DENND4C: variants seen among roughly 807,000 people sequenced by gnomAD.
DENND4C encodes DENN domain-containing protein 4C.
Under a neutral mutation model 203.0 loss-of-function variants are expected in DENND4C, and 108 were observed. The observed-to-expected ratio is 0.53, with a 90% CI of 0.46 to 0.62. The LOEUF is 0.62. DENND4C is among the 20% of genes least tolerant of loss of function. The pLI is 0.00. For missense variants in DENND4C, 2,481 were observed against 2,301.2 expected, an observed-to-expected ratio of 1.08 and a Z score of -1.60; for synonymous variants, 871 against 792.4, an observed-to-expected ratio of 1.10 and a Z score of -1.67.
intron 1 of DENND4C, among the ~76,000 whole-genome samples, chr9:19,245,714 G>T (rs1825048877): frequency 6.6e-6 from 1 of 152,108 alleles, no homozygotes; most frequent in Non-Finnish European, 1.5e-5. Context: ...AAACTAGCCA[G>T]GCGTGGTGGC....
At position 19,356,810 on chromosome 9, in the gene DENND4C, A is replaced by AGAGAGAGAGAGAGAGT. The variant is rs1447525810; in HGVS notation, c.4782-155_4782-154insAGAGAGAGTGAGAGAG. ...GTGTGAGAGAGAGAGAGAGAGAGAG[A>AGAGAGAGAGAGAGAGT]GAGAGAGTGAGAGTGTATTGGAAAT... On this transcript the variant is annotated intron_variant, in intron 26 of 32. Coordinates refer to ENST00000434457, the MANE Select transcript of DENND4C (RefSeq NM_001330640.2). Among the ~76,000 whole-genome samples the AGAGAGAGAGAGAGAGT allele has an allele frequency of 9.4e-3, 1,378 of 146,180 alleles. 6 individuals carry two copies. The highest frequency in any genetic ancestry group is 0.021 in the African/African-American group (814 of 37,982).
At chr9:19,275,451 G>A (rs756243034) in intron 1 of DENND4C, among the ~76,000 whole-genome samples, 14 of 151,022 alleles carry the variant, frequency 9.3e-5, no homozygotes, top group South Asian at 2.1e-4. Flanking sequence ...ACACCACCAC[G>A]CCTGGCTAAT....
chr9:19,296,286 G>T (rs746475825), intron 6 of DENND4C, 40 bp downstream of exon 6: 5 of 1,332,692 alleles, frequency 3.8e-6, no homozygotes, highest in Non-Finnish European at 5.3e-6. Flanking sequence ...TGGAAAACTG[G>T]GTATATAAAT....
chr9:19,275,265 A>G (rs146775735), intron 1 of DENND4C, among the ~76,000 whole-genome samples: 1 of 145,394 alleles, frequency 6.9e-6, no homozygotes. Flanking sequence ...GGTGTGAGCC[A>G]CCAGGCCCGG....
At chr9:19,350,312 A>G (rs16937489) in intron 23 of DENND4C, among the ~76,000 whole-genome samples, 7,755 of 152,300 alleles carry the variant, frequency 0.051, 631 homozygotes, top group African/African-American at 0.17. Context: ...AAGTTTACAT[A>G]TCTAATAAAT....
chr9:19,261,314 G>C (rs112993187), intron 1 of DENND4C, among the ~76,000 whole-genome samples: 4,497 of 151,658 alleles, frequency 0.03, 216 homozygotes, highest in African/African-American at 0.1. Flanking sequence ...TTTTGTTTTT[G>C]CTCAGAATAG....
At chr9:19,241,807 CA>C (rs1823805151) in intron 1 of DENND4C, among the ~76,000 whole-genome samples, 1 of 151,788 alleles carries the variant, frequency 6.6e-6, no homozygotes, top group South Asian at 2.1e-4. Context: ...CGCTTGAGCT[CA>C]GGAGATTGGG....
Position 19,347,095 on chromosome 9 carries a change from G to A in DENND4C, c.4317+9G>A, listed in dbSNP as rs375791671. 3.1e-6 allele frequency: 5 copies of A among 1,607,678 alleles called. No individual in the cohort carries two copies. The African/African-American group carries it at 5.4e-5, about 17-fold the overall frequency. On this transcript the variant is annotated intron_variant, in intron 23 of 32. Coordinates refer to ENST00000434457, the MANE Select transcript of DENND4C (RefSeq NM_001330640.2). ...GCTACTCAGATGATGAGGTAAGAAA[G>A]CTTTATGTGTGTAGTCTGTCTGCTA...
Position 19,286,902 on chromosome 9 carries a change from C to G in DENND4C, c.439C>G (p.Pro147Ala). The G allele has an allele frequency of 8.1e-7, 1 of 1,232,100 alleles. No individual in the cohort carries two copies. Among genetic ancestry groups the G allele is most frequent in the Non-Finnish European group, 1.0e-6 (1 of 987,964 alleles). 76.3% of individuals were successfully genotyped at this position (1,232,100 alleles called of 1,614,324 possible). A position where few individuals can be genotyped will look rare whatever the true frequency, so the allele number is the denominator to read the frequency against. Residue 147 changes from proline (P) to alanine (A), a missense_variant, in exon 3 of 33, where the codon CCT becomes GCT. Around this residue, in one of 3 missense-constraint regions of DENND4C, gnomAD observed 187 missense variants for 167.4 expected, o/e 1.12. Coordinates refer to ENST00000434457, the MANE Select transcript of DENND4C (RefSeq NM_001330640.2). ...QRIFITYRRA[P>A]PVRPQNSLAV... ...AATCTTTATCACTTATCGAAGGGCT[C>G]CTCCAGTTCGACCCCAGAATTCCTT...
chr9:19,259,756 C>T (rs188723441), intron 1 of DENND4C, among the ~76,000 whole-genome samples: 55 of 152,234 alleles, frequency 3.6e-4, no homozygotes, highest in African/African-American at 1.2e-3. Flanking sequence ...CCGCCCGCCT[C>T]GGCCTCCCAC....
Position 19,362,085 on chromosome 9 carries a change from C to G in DENND4C, c.5524+122C>G, listed in dbSNP as rs1247727235. The G allele has an allele frequency of 1.3e-5, 7 of 557,956 alleles. No homozygotes were observed. In the South Asian group the frequency reaches 1.4e-4, roughly 11 times the overall value. The allele number at this position is 557,956 out of a possible 1,614,324, so 34.6% of individuals were successfully genotyped here. A position where few individuals can be genotyped will look rare whatever the true frequency, so the allele number is the denominator to read the frequency against. On this transcript the variant is annotated intron_variant, in intron 30 of 32. Transcript: ENST00000434457. ...GGTCAGGAGTTGGAGACCAGGCTGGCCAACATGGTGAAATCCTGTCTCTAT... is the reference window on the plus strand; with the variant it reads ...GGTCAGGAGTTGGAGACCAGGCTGGGCAACATGGTGAAATCCTGTCTCTAT...
intron 1 of DENND4C, among the ~76,000 whole-genome samples, chr9:19,241,944 G>A (rs1564078008): frequency 6.6e-6 from 1 of 151,560 alleles, no homozygotes; most frequent in African/African-American, 2.4e-5. Flanking sequence ...TAATCCCACT[G>A]CTTTGGGAAT....
In DENND4C at chr9:19,357,137, C is replaced by T; in HGVS notation, c.4947C>T (p.Gly1649=). The T allele has an allele frequency of 6.2e-7, 1 of 1,613,844 alleles. No individual in the cohort carries two copies. Among genetic ancestry groups the T allele is most frequent in the South Asian group, 1.1e-5 (1 of 91,068 alleles). ...KHNQIITEET[G]SAVEPSDEIK... is the part of the protein sequence containing the mutation. ...ACCAGATCATAACTGAAGAAACAGG[C>T]TCTGCAGTTGAACCAAGGTATCAAA... The change falls in exon 27 of 33, where the codon GGC becomes GGT. Residue 1649 remains glycine, a synonymous_variant. Coordinates refer to ENST00000434457, the MANE Select transcript of DENND4C (RefSeq NM_001330640.2).
At chr9:19,324,873 C>T (rs1265217946) in intron 13 of DENND4C, among the ~76,000 whole-genome samples, 3 of 152,098 alleles carry the variant, frequency 2.0e-5, no homozygotes, top group East Asian at 1.9e-4. Flanking sequence ...GCATGTGCTA[C>T]GCCCAGCTAG....
At position 19,335,062 on chromosome 9, in the gene DENND4C, C is replaced by G; in HGVS notation, c.2546C>G (p.Ala849Gly). 3 of 1,611,640 alleles carry G rather than the reference C, an allele frequency of 1.9e-6. No individual in the cohort carries two copies. Among genetic ancestry groups the G allele is most frequent in the Non-Finnish European group, 2.5e-6 (3 of 1,178,970 alleles). ...AGAGTCTTATTTGAAATGAAAACTG[C>G]TAGGATAAAGCCTAATGCTATTACT... ...AVRVLFEMKT[A>G]RIKPNAITYG... Residue 849 changes from alanine to glycine, a missense_variant, in exon 18 of 33, where the codon GCT (alanine) becomes GGT (glycine). By Grantham distance (60) the Ala-to-Gly change is moderately conservative. This residue lies in a region of DENND4C where 2,289 missense variants were observed against 2,113.3 expected (regional missense o/e 1.08). Coordinates refer to ENST00000434457, the MANE Select transcript of DENND4C (RefSeq NM_001330640.2).
chr9:19,254,506 T>C lies in DENND4C; in HGVS notation c.-17-21652T>C, dbSNP rs186069487. 1.3e-3 allele frequency among the ~76,000 whole-genome samples: 192 copies of C among 152,284 alleles called. 2 individuals are homozygous for C. The highest frequency in any genetic ancestry group is 2.8e-4 in the Non-Finnish European group (19 of 68,030). The stretch of plus-strand genomic sequence containing the variant: ...CAGATACAGAAAGACAAATATTGTA[T>C]AGTCTCATTAATATGTGGAATCCAA... On this transcript the variant is annotated intron_variant, in intron 1 of 32. Transcript: ENST00000434457.
chr9:19,336,576 A>G (rs532876958), intron 19 of DENND4C, 110 bp from the exon 20 acceptor site: 1 of 1,437,716 alleles, frequency 7.0e-7, no homozygotes, highest in Admixed American at 2.9e-5. Flanking sequence ...GTTTTTTTCC[A>G]GAAATTTAGA....
At position 19,303,813 on chromosome 9, in the gene DENND4C, C is replaced by T. The variant is rs548729287; in HGVS notation, c.1312-1539C>T. ...AGGGATTTTTATAGTAGAAGAAAAA[C>T]ATTATCATCAGTAAAATTTTAGTAC... On this transcript the variant is annotated intron_variant, in intron 9 of 32. Transcript: ENST00000434457. Among the ~76,000 whole-genome samples, 5 of 152,062 alleles carry T rather than the reference C, an allele frequency of 3.3e-5. No homozygotes were observed. In the East Asian group the frequency reaches 5.8e-4, roughly 18 times the overall value.
intron 1 of DENND4C, among the ~76,000 whole-genome samples, chr9:19,247,576 A>C (rs1825600977): frequency 6.6e-6 from 1 of 152,042 alleles, no homozygotes; most frequent in African/African-American, 2.4e-5. Context: ...TATTGTAGTT[A>C]TTGAGACTGG....
Sources: allele counts gnomAD v4.1 joint callset (sites outside exome capture counted in the v4.1 genomes callset), GRCh38; gene constraint gnomAD v4.1.1; regional missense constraint gnomAD v4.1.1; transcripts MANE v1.5; gene names NCBI Gene and HGNC (gene_info 2026-07-23, HGNC 2026-07-21).